TRPC5: variants seen among roughly 807,000 people sequenced by gnomAD.
TRPC5 encodes transient receptor potential cation channel subfamily C member 5.
In TRPC5, 9 loss-of-function variants were observed where a neutral mutation model predicts 56.5. That is an observed-to-expected ratio of 0.16 (90% CI 0.10 to 0.28). The LOEUF (loss-of-function observed/expected upper bound fraction) is 0.28. Among genes scored for constraint, TRPC5 ranks in the 10% least tolerant of loss-of-function variants. The pLI is 1.00. For missense variants in TRPC5, 469 were observed against 748.9 expected, an observed-to-expected ratio of 0.63 and a Z score of 4.36; for synonymous variants, 282 against 278.5, an observed-to-expected ratio of 1.01 and a Z score of -0.13.
At chrX:111,957,334 G>A (rs1603116863) in intron 1 of TRPC5, among the ~76,000 whole-genome samples, 1 of 111,986 alleles carries the variant, frequency 8.9e-6, no homozygotes, top group South Asian at 3.7e-4. Flanking sequence ...ATTTGCAGTA[G>A]TTTGTTTTTC....
chrX:111,879,950 C>T (rs1924130247), intron 3 of TRPC5, among the ~76,000 whole-genome samples: 1 of 111,362 alleles, frequency 9.0e-6, no homozygotes, highest in African/African-American at 3.3e-5. Flanking sequence ...TAAGTGATTC[C>T]ACTTTATAGA....
rs570710450 is a variant in TRPC5, at chrX:111,825,146, CCTTTCTTTCTTTCTTTCTTTCTTT to C, written c.1896+9751_1896+9774del. On this transcript the variant is annotated intron_variant, in intron 7 of 10. Coordinates refer to ENST00000262839, the MANE Select transcript of TRPC5 (RefSeq NM_012471.3). The stretch of plus-strand genomic sequence containing the variant: ...CTTTCTTTTCCTTCCTTCCTTCCTT[CCTTTCTTTCTTTCTTTCTTTCTTT>C]CTTTCTTTCTTTCTTTCTTTCTTTC... Among the ~76,000 whole-genome samples, 373 of 59,371 alleles carry C rather than the reference CCTTTCTTTCTTTCTTTCTTTCTTT, an allele frequency of 6.3e-3. 1 individual carries two copies. The highest frequency in any genetic ancestry group is 0.011 in the East Asian group (19 of 1,725). The allele number at this position is 59,371 out of a possible 115,157, so 51.6% of individuals were successfully genotyped here. A position where few individuals can be genotyped will look rare whatever the true frequency, so the allele number is the denominator to read the frequency against.
intron 1 of TRPC5, among the ~76,000 whole-genome samples, chrX:112,078,668 TG>T (rs1319803879): frequency 2.7e-5 from 3 of 112,360 alleles, no homozygotes; most frequent in Admixed American, 9.4e-5. Flanking sequence ...CTAAGAAACT[TG>T]CAAAGTTCCC....
intron 3 of TRPC5, among the ~76,000 whole-genome samples, chrX:111,865,740 A>G (rs941921330): frequency 8.9e-6 from 1 of 112,141 alleles, no homozygotes; most frequent in Non-Finnish European, 1.9e-5. Flanking sequence ...TGCTGAATAG[A>G]TATTTGATGA....
intron 3 of TRPC5, among the ~76,000 whole-genome samples, chrX:111,909,654 C>A (rs1434906147): frequency 9.0e-6 from 1 of 110,938 alleles, no homozygotes; most frequent in Non-Finnish European, 1.9e-5. Context: ...ATCAAGAGAA[C>A]AAGAAGAAAT....
intron 1 of TRPC5, among the ~76,000 whole-genome samples, chrX:111,976,854 G>A (rs1213259430): frequency 9.3e-6 from 1 of 106,978 alleles, no homozygotes; most frequent in Non-Finnish European, 1.9e-5. Flanking sequence ...GACCTATCCA[G>A]AAGAAAAATT....
intron 1 of TRPC5, among the ~76,000 whole-genome samples, chrX:112,023,257 T>TG (rs1307332504): frequency 0.012 from 1,126 of 93,787 alleles, 18 homozygotes; most frequent in African/African-American, 0.048. Flanking sequence ...TTTTTTTTTT[T>TG]TTTTTTTTTT....
At chrX:111,778,109 GAC>G (rs1208624237) in intron 10 of TRPC5, among the ~76,000 whole-genome samples, 1 of 110,264 alleles carries the variant, frequency 9.1e-6, no homozygotes, top group Non-Finnish European at 1.9e-5. Context: ...TGTGTTCATG[GAC>G]ACTGGGAGGG....
intron 3 of TRPC5, among the ~76,000 whole-genome samples, chrX:111,879,368 A>G (rs1383326493): frequency 8.9e-6 from 1 of 112,170 alleles, no homozygotes; most frequent in Non-Finnish European, 1.9e-5. Context: ...GGTCCCAGGA[A>G]GATGTTTATT....
intron 3 of TRPC5, among the ~76,000 whole-genome samples, chrX:111,862,338 T>G (rs770895249): frequency 1.8e-5 from 2 of 112,090 alleles, no homozygotes; most frequent in Non-Finnish European, 3.8e-5. Flanking sequence ...ATCTCTTCGC[T>G]TAAATGCTGA....
chrX:111,832,089 A>T (rs906423089), intron 7 of TRPC5, among the ~76,000 whole-genome samples: 1 of 111,833 alleles, frequency 8.9e-6, no homozygotes, highest in African/African-American at 3.3e-5. Flanking sequence ...ATAATATACA[A>T]TATGGCCAGC....
chrX:111,938,779 G>A (rs761742475), intron 2 of TRPC5, among the ~76,000 whole-genome samples: 27 of 112,153 alleles, frequency 2.4e-4, no homozygotes, highest in Non-Finnish European at 1.9e-4. Flanking sequence ...TTGCATCAAT[G>A]TTCATCAAGG....
chrX:111,932,819 G>A (rs1231237921), intron 2 of TRPC5, among the ~76,000 whole-genome samples: 1 of 111,882 alleles, frequency 8.9e-6, no homozygotes, highest in Non-Finnish European at 1.9e-5. Context: ...TGGATCTGCT[G>A]AGTGAAATAT....
intron 1 of TRPC5, among the ~76,000 whole-genome samples, chrX:111,982,233 A>G (rs1429258295): frequency 8.9e-6 from 1 of 112,092 alleles, no homozygotes; most frequent in African/African-American, 3.2e-5. Context: ...GAATGGAATA[A>G]TATAATATTC....
chrX:111,937,257 T>G (rs1284810067), intron 2 of TRPC5, among the ~76,000 whole-genome samples: 1 of 105,287 alleles, frequency 9.5e-6, no homozygotes, highest in East Asian at 2.9e-4. Context: ...CTTTGTCAGA[T>G]GAGTAGGTTG....
chrX:111,789,093 G>T (rs1945995584), intron 7 of TRPC5, among the ~76,000 whole-genome samples: 2 of 111,941 alleles, frequency 1.8e-5, no homozygotes, highest in African/African-American at 6.5e-5. Context: ...CTAAAAAAGA[G>T]CCCACATTGC....
rs148725512 is a variant in TRPC5, at chrX:111,781,964, G to A, written c.2071C>T (p.Arg691Trp). Residue 691 changes from arginine to tryptophan, a missense_variant, in exon 8 of 11, where the codon CGG becomes TGG. Physicochemically the swap from Arg to Trp is moderately radical, Grantham distance 101. Coordinates refer to ENST00000262839, the MANE Select transcript of TRPC5 (RefSeq NM_012471.3). ...FCPKRDPDGR[R>W]RRRNLRSFTE... Reference sequence around the variant, plus strand: ...AAACTTCTCAAGTTGCGCCTTCTCCGTCTACCGTCAGGGTCTCTTTTGGGG... The same window carrying A: ...AAACTTCTCAAGTTGCGCCTTCTCCATCTACCGTCAGGGTCTCTTTTGGGG... 402 of 1,195,853 alleles carry A rather than the reference G, an allele frequency of 3.4e-4. 1 individual carries two copies. The African/African-American group carries it at 5.7e-3, about 17-fold the overall frequency.
At chrX:111,834,269 G>C (rs1011754693) in intron 7 of TRPC5, among the ~76,000 whole-genome samples, 2 of 111,383 alleles carry the variant, frequency 1.8e-5, no homozygotes, top group African/African-American at 3.3e-5. Flanking sequence ...TTGCAATGGA[G>C]TGCAGTTACT....
chrX:111,785,820 T>C (rs927236236), intron 7 of TRPC5, among the ~76,000 whole-genome samples: 1 of 111,119 alleles, frequency 9.0e-6, no homozygotes, highest in African/African-American at 3.3e-5. Flanking sequence ...TATCAGTGAT[T>C]GAAGATCAAA....
Sources: allele counts gnomAD v4.1 joint callset (sites outside exome capture counted in the v4.1 genomes callset), GRCh38; gene constraint gnomAD v4.1.1; transcripts MANE v1.5; gene names NCBI Gene and HGNC (gene_info 2026-07-23, HGNC 2026-07-21).